SGMS2: variants seen among roughly 807,000 people sequenced by gnomAD.
SGMS2 encodes the protein sphingomyelin synthase 2, also known as phosphatidylcholine:ceramide cholinephosphotransferase 2.
SGMS2 carries 21 observed loss-of-function variants against 43.8 expected under a neutral mutation model. The observed-to-expected ratio is 0.48, with a 90% CI of 0.34 to 0.69. The LOEUF is 0.69. Among genes scored for constraint, SGMS2 ranks in the 30% least tolerant of loss-of-function variants. The pLI is 0.01. For synonymous variants in SGMS2, 167 were observed against 160.6 expected (o/e 1.04, Z -0.30); for missense variants, 384 against 443.2 (o/e 0.87, Z 1.20).
Position 107,914,999 on chromosome 4 carries a change from G to C in SGMS2, c.*4446G>C, listed in dbSNP as rs1017946475. On this transcript the variant is annotated 3_prime_UTR_variant, in exon 7 of 7. Transcript: ENST00000690982. ...TAAAAAATGCAAGAGCCTATACTTTGTATTTACCTAATAAACCACAGTGAC... is the reference window on the plus strand; with the variant it reads ...TAAAAAATGCAAGAGCCTATACTTTCTATTTACCTAATAAACCACAGTGAC... The C allele has an allele frequency of 8.5e-5, 13 of 152,110 alleles. No homozygotes were observed. Among genetic ancestry groups the C allele is most frequent in the African/African-American group, 2.4e-4 (10 of 41,428 alleles). 9.4% of individuals were successfully genotyped at this position (152,110 alleles called of 1,614,324 possible).
rs1732158762 is a variant in SGMS2 at position 107,912,043 on chromosome 4, CTTTCA to C, written c.*1494_*1498del. On this transcript the variant is annotated 3_prime_UTR_variant, in exon 7 of 7. Transcript: ENST00000690982. Reference sequence around the variant, plus strand: ...TGTTTATATTGAAGGTGAAATTTTTCTTTCATTTAGAATGGAAAACATCCCCAAAT... The same window carrying C: ...TGTTTATATTGAAGGTGAAATTTTTCTTTAGAATGGAAAACATCCCCAAAT... 6.6e-6 allele frequency: 1 copy of C among 152,126 alleles called. No individual in the cohort carries two copies. Among genetic ancestry groups the C allele is most frequent in the South Asian group, 2.1e-4 (1 of 4,824 alleles). The allele number at this position is 152,126 out of a possible 1,614,324, so 9.4% of individuals were successfully genotyped here.
chr4:107,826,614 T>G (rs1725606754), intron 1 of SGMS2, among the ~76,000 whole-genome samples: 1 of 152,114 alleles, frequency 6.6e-6, no homozygotes, highest in South Asian at 2.1e-4. Flanking sequence ...CTTTCCTTGG[T>G]CTTCTAATGT....
chr4:107,853,422 T>A (rs1727261351), intron 1 of SGMS2, among the ~76,000 whole-genome samples: 1 of 152,182 alleles, frequency 6.6e-6, no homozygotes, highest in African/African-American at 2.4e-5. Context: ...CCCATCTAAA[T>A]TAGTGGGTCA....
Position 107,903,413 on chromosome 4 carries a change from C to G in SGMS2, c.727+27C>G, listed in dbSNP as rs757415066. The G allele has an allele frequency of 2.3e-5, 37 of 1,609,340 alleles. 1 individual carries two copies. The Admixed American group carries it at 6.2e-4, about 27-fold the overall frequency. On this transcript the variant is annotated intron_variant, in intron 5 of 6. Coordinates refer to ENST00000690982, the MANE Select transcript of SGMS2 (RefSeq NM_001375905.1). The stretch of plus-strand genomic sequence containing the variant: ...TAAGTAATAGCCCATTCCCACTGAA[C>G]TGATAGCTGTAGTGGGAGGGATCCC...
chr4:107,896,506 TG>T (rs779223885), intron 3 of SGMS2, among the ~76,000 whole-genome samples: 17 of 152,216 alleles, frequency 1.1e-4, no homozygotes, highest in Non-Finnish European at 2.4e-4. Flanking sequence ...TTTACATTTC[TG>T]TGGGGCTGGG....
intron 1 of SGMS2, among the ~76,000 whole-genome samples, chr4:107,849,319 G>A (rs907957085): frequency 1.3e-5 from 2 of 152,212 alleles, no homozygotes; most frequent in African/African-American, 4.8e-5. Context: ...ACACTGTCCA[G>A]TACAGTAGCC....
chr4:107,892,339 C>T (rs1370660204), intron 2 of SGMS2, among the ~76,000 whole-genome samples: 1 of 151,418 alleles, frequency 6.6e-6, no homozygotes, highest in Non-Finnish European at 1.5e-5. Flanking sequence ...TTCCAGGCCT[C>T]AGCAAATTGT....
At chr4:107,901,257 A>T (rs915130919) in intron 4 of SGMS2, among the ~76,000 whole-genome samples, 2 of 152,196 alleles carry the variant, frequency 1.3e-5, no homozygotes, top group Non-Finnish European at 2.9e-5. Flanking sequence ...ATATGCCTGA[A>T]TCATGGTTCA....
chr4:107,910,350 A>G lies in SGMS2; in HGVS notation c.895A>G (p.Asn299Asp), dbSNP rs1732019092. ...WWYHSMANEK[N>D]LKVSSQTNFL... Reference sequence around the variant, plus strand: ...TTAAATTTTTTTCTACCATTTACAGAACTTGAAGGTCTCTTCACAGACTAA... The same window carrying G: ...TTAAATTTTTTTCTACCATTTACAGGACTTGAAGGTCTCTTCACAGACTAA... Residue 299 changes from asparagine (N) to aspartate (D), a missense_variant and splice_region_variant, in exon 7 of 7, where the codon AAC becomes GAC. Asn to Asp is a conservative substitution (Grantham distance 23, BLOSUM62 1). Transcript: ENST00000690982. 6.2e-7 allele frequency: 1 copy of G among 1,612,224 alleles called. No homozygotes were observed. Among genetic ancestry groups the G allele is most frequent in the African/African-American group, 1.3e-5 (1 of 74,784 alleles).
chr4:107,901,795 C>T (rs895306222), intron 4 of SGMS2, among the ~76,000 whole-genome samples: 11 of 152,182 alleles, frequency 7.2e-5, no homozygotes, highest in Admixed American at 3.3e-4. Context: ...TATTTTTCCA[C>T]ATACAAGAAT....
chr4:107,848,121 C>T (rs1469471128), intron 1 of SGMS2, among the ~76,000 whole-genome samples: 17 of 152,152 alleles, frequency 1.1e-4, no homozygotes, highest in Admixed American at 1.1e-3. Context: ...TTTACTGTCT[C>T]CATAGTTTTA....
At chr4:107,846,490 A>T (rs893559203) in intron 1 of SGMS2, among the ~76,000 whole-genome samples, 1 of 148,624 alleles carries the variant, frequency 6.7e-6, no homozygotes, top group Non-Finnish European at 1.5e-5. Context: ...TATGTGCCAC[A>T]TTTTCTTAAT....
intron 1 of SGMS2, among the ~76,000 whole-genome samples, chr4:107,833,466 A>G (rs937286350): frequency 1.3e-5 from 2 of 152,154 alleles, no homozygotes; most frequent in African/African-American, 4.8e-5. Context: ...AAAATCTGAA[A>G]CTTTTTGAGT....
intron 1 of SGMS2, among the ~76,000 whole-genome samples, chr4:107,836,290 T>C (rs1250153322): frequency 6.6e-6 from 1 of 152,202 alleles, no homozygotes; most frequent in Non-Finnish European, 1.5e-5. Context: ...TGAAGACAAT[T>C]CATTAAGCGT....
At chr4:107,849,539 T>C (rs1727021067) in intron 1 of SGMS2, among the ~76,000 whole-genome samples, 2 of 152,176 alleles carry the variant, frequency 1.3e-5, no homozygotes, top group African/African-American at 4.8e-5. Context: ...AACAAATACT[T>C]GATAATACTT....
intron 2 of SGMS2, among the ~76,000 whole-genome samples, chr4:107,887,443 C>T (rs939402095): frequency 1.8e-4 from 28 of 152,076 alleles, no homozygotes; most frequent in African/African-American, 6.3e-4. Flanking sequence ...GGAAGTTTCC[C>T]ATAATTTTAG....
At chr4:107,892,048 C>A (rs1472509410) in intron 2 of SGMS2, among the ~76,000 whole-genome samples, 2 of 151,342 alleles carry the variant, frequency 1.3e-5, no homozygotes, top group Non-Finnish European at 2.9e-5. Context: ...GAAGCCTTGC[C>A]AAGAACTCTT....
At chr4:107,882,432 T>C (rs1041704130) in intron 2 of SGMS2, among the ~76,000 whole-genome samples, 2 of 152,206 alleles carry the variant, frequency 1.3e-5, no homozygotes, top group Non-Finnish European at 2.9e-5. Flanking sequence ...TTTGGAACTT[T>C]TGCTTATTTT....
Position 107,895,573 on chromosome 4 carries a change from C to A in SGMS2, c.20C>A (p.Ala7Glu), listed in dbSNP as rs1730596212. The A allele has an allele frequency of 1.9e-6, 3 of 1,613,534 alleles. No individual in the cohort carries two copies. Among genetic ancestry groups the A allele is most frequent in the Non-Finnish European group, 8.5e-7 (1 of 1,179,728 alleles). The change falls in exon 3 of 7, where the codon GCA becomes GAA. Residue 7 changes from alanine to glutamate, a missense_variant. Transcript: ENST00000690982. ...GGGACAATGGATATCATAGAGACAG[C>A]AAAACTTGAAGAACATTTGGAAAAT... The part of the protein sequence containing the change: MDIIET[A>E]KLEEHLENQP...
Sources: gnomAD v4.1 joint callset for allele counts (sites outside exome capture counted in the v4.1 genomes callset) on GRCh38, gnomAD v4.1.1 for gene constraint, MANE v1.5 for transcripts, NCBI Gene and HGNC (gene_info 2026-07-23, HGNC 2026-07-21) for gene names.